CRAMP1: variants seen among roughly 807,000 people sequenced by gnomAD.
CRAMP1 encodes the protein protein cramped-like.
A neutral mutation model predicts 115.4 loss-of-function variants in CRAMP1; 50 were observed. That is an observed-to-expected ratio of 0.43 (90% CI 0.35 to 0.55). CRAMP1 has a LOEUF of 0.55. CRAMP1 is among the 20% of genes least tolerant of loss of function. The pLI is 0.01. For missense variants in CRAMP1, 1,679 were observed against 1,721.7 expected, an observed-to-expected ratio of 0.98 and a Z score of 0.44; for synonymous variants, 866 against 745.4, an observed-to-expected ratio of 1.16 and a Z score of -2.64.
chr16:1,671,397 C>T lies in CRAMP1; in HGVS notation c.3645+588C>T, dbSNP rs566447338. ...GTGGTTTGTGACTCTCCACTTTTGA[C>T]GAGATGCAGCGTCCCTCTTTGTTGG... On this transcript the variant is annotated intron_variant, in intron 20 of 20. Transcript: ENST00000397412. The surrounding 1 kb of genome is among the most constrained non-coding windows in gnomAD (Gnocchi z 5.0). 3.9e-5 allele frequency among the ~76,000 whole-genome samples: 6 copies of T among 152,330 alleles called. No individual in the cohort carries two copies. Among genetic ancestry groups the T allele is most frequent in the African/African-American group, 1.4e-4 (6 of 41,570 alleles).
intron 2 of CRAMP1, among the ~76,000 whole-genome samples, chr16:1,624,054 G>T (rs138327472): frequency 6.6e-6 from 1 of 152,188 alleles, no homozygotes; most frequent in Non-Finnish European, 1.5e-5. Flanking sequence ...GTGCAGCACC[G>T]TCTGGTAGCT....
rs148114083 is a variant in CRAMP1 at position 1,648,250 on chromosome 16, A to T, written c.828-4246A>T. ...ACTACTGTTGTTTTGGGGCAGATGG[A>T]ATAAAAAATGGTGAGTGGAAACGTC... On this transcript the variant is annotated intron_variant, in intron 6 of 20. Coordinates refer to ENST00000397412, the MANE Select transcript of CRAMP1 (RefSeq NM_020825.4). 2.6e-5 allele frequency among the ~76,000 whole-genome samples: 4 copies of T among 152,324 alleles called. No homozygotes were observed. The South Asian group carries it at 8.3e-4, about 32-fold the overall frequency.
chr16:1,636,930 T>A (rs945655996), intron 4 of CRAMP1, among the ~76,000 whole-genome samples: 1 of 152,144 alleles, frequency 6.6e-6, no homozygotes, highest in Admixed American at 6.5e-5. Flanking sequence ...CTTCTGGAAG[T>A]CTCCACTACT....
chr16:1,666,405 G>C lies in CRAMP1; in HGVS notation c.2858-17G>C. On this transcript the variant is annotated splice_polypyrimidine_tract_variant and intron_variant, in intron 15 of 20. Transcript: ENST00000397412. The surrounding 1 kb of genome is among the most constrained non-coding windows in gnomAD (Gnocchi z 5.0). ...TGTCAGTAGAGCAGAGATGTGCAGC[G>C]TCCTTTTTGTTGCCAGGTGCTATCG... The C allele has an allele frequency of 6.2e-7, 1 of 1,607,152 alleles. No homozygotes were observed. The highest frequency in any genetic ancestry group is 8.5e-7 in the Non-Finnish European group (1 of 1,176,318).
At chr16:1,648,418 A>C (rs1191164769) in intron 6 of CRAMP1, among the ~76,000 whole-genome samples, 1 of 151,690 alleles carries the variant, frequency 6.6e-6, no homozygotes, top group Non-Finnish European at 1.5e-5. Flanking sequence ...AGCCTGGCCA[A>C]CATGGAGAAA....
In CRAMP1 at chr16:1,662,749, GC is replaced by G; in HGVS notation, c.2596-11del. On this transcript the variant is annotated splice_polypyrimidine_tract_variant and intron_variant, in intron 12 of 20. Coordinates refer to ENST00000397412, the MANE Select transcript of CRAMP1 (RefSeq NM_020825.4). ...AGTGCACCTTCAGGTGCCGGACGCT[GC>G]TCCCTTACAGATGCAGTCGGATTTC... The G allele has an allele frequency of 6.2e-7, 1 of 1,613,798 alleles. No homozygotes were observed. Among genetic ancestry groups the G allele is most frequent in the East Asian group, 2.2e-5 (1 of 44,884 alleles).
intron 18 of CRAMP1, among the ~76,000 whole-genome samples, 172 bp downstream of exon 18, chr16:1,668,365 A>G (rs1357063600): frequency 6.6e-6 from 1 of 152,228 alleles, no homozygotes; most frequent in South Asian, 2.1e-4. Context: ...TGGATAAGGT[A>G]CCTGTGGGAC....
rs375947748 is a variant in CRAMP1 at position 1,656,818 on chromosome 16, G to A, written c.2061G>A (p.Thr687=). 7.5e-5 allele frequency: 116 copies of A among 1,549,524 alleles called. No homozygotes were observed. Among genetic ancestry groups the A allele is most frequent in the Middle Eastern group, 5.0e-4 (3 of 5,992 alleles). The change falls in exon 10 of 21, where the codon ACG becomes ACA. Residue 687 remains threonine (T), a synonymous_variant. Coordinates refer to ENST00000397412, the MANE Select transcript of CRAMP1 (RefSeq NM_020825.4). This position sits in a 1 kb window ranked among gnomAD's most constrained non-coding sequence, Gnocchi z 5.6. ...ACCTGCAGACCTCCGAAAGCCTCACGCTGGCCGAAGTCTACCTCATGATGG... is the reference window on the plus strand; with the variant it reads ...ACCTGCAGACCTCCGAAAGCCTCACACTGGCCGAAGTCTACCTCATGATGG... ...GWNLQTSESL[T]LAEVYLMMGK...
chr16:1,657,247 A>G (rs1271289714), intron 10 of CRAMP1, among the ~76,000 whole-genome samples: 2 of 152,212 alleles, frequency 1.3e-5, no homozygotes, highest in Non-Finnish European at 2.9e-5. Context: ...GCACTTGATG[A>G]GTGTCCCCAC....
rs868674926 is a variant in CRAMP1 at position 1,667,604 on chromosome 16, C to T, written c.3102+204C>T. On this transcript the variant is annotated intron_variant, in intron 17 of 20. Coordinates refer to ENST00000397412, the MANE Select transcript of CRAMP1 (RefSeq NM_020825.4). Reference sequence around the variant, plus strand: ...CGCCACCTCAGACTTCCCTCCTCCCCTCTCCAAGGTGGGCTGTTTCAGACC... The same window carrying T: ...CGCCACCTCAGACTTCCCTCCTCCCTTCTCCAAGGTGGGCTGTTTCAGACC... Among the ~76,000 whole-genome samples the T allele has an allele frequency of 2.6e-5, 4 of 152,318 alleles. 1 individual carries two copies. In the Middle Eastern group the frequency reaches 0.01, roughly 389 times the overall value.
At chr16:1,624,765 G>T (rs1202224397) in intron 2 of CRAMP1, among the ~76,000 whole-genome samples, 1 of 152,076 alleles carries the variant, frequency 6.6e-6, no homozygotes, top group Admixed American at 6.6e-5. Context: ...TGTGTTTTTA[G>T]TAGAGACGGG....
intron 1 of CRAMP1, among the ~76,000 whole-genome samples, chr16:1,613,888 G>A (rs1418676713): frequency 1.3e-5 from 2 of 152,156 alleles, no homozygotes; most frequent in African/African-American, 4.8e-5. Context: ...CCCACCCTGG[G>A]AAGAAGATTC....
chr16:1,642,503 C>T (rs968104777), intron 6 of CRAMP1, among the ~76,000 whole-genome samples: 8 of 152,220 alleles, frequency 5.3e-5, no homozygotes, highest in African/African-American at 4.8e-5. Context: ...AGCCAGGGGC[C>T]GCCAGCCATA....
rs1320815189 is a variant in CRAMP1 at position 1,674,279 on chromosome 16, T to A, written c.*234T>A. On this transcript the variant is annotated 3_prime_UTR_variant, in exon 21 of 21. Coordinates refer to ENST00000397412, the MANE Select transcript of CRAMP1 (RefSeq NM_020825.4). ...GAAATCACTGTGGTACTAGAGCCGT[T>A]CTTCACCACGCCTGGGCCCATGTTA... The A allele has an allele frequency of 1.8e-6, 1 of 558,428 alleles. No individual in the cohort carries two copies. Among genetic ancestry groups the A allele is most frequent in the Non-Finnish European group, 3.2e-6 (1 of 312,558 alleles). 34.6% of individuals were successfully genotyped at this position (558,428 alleles called of 1,614,324 possible).
chr16:1,659,630 G>T (rs1270927461), intron 10 of CRAMP1, among the ~76,000 whole-genome samples: 1 of 152,066 alleles, frequency 6.6e-6, no homozygotes, highest in Non-Finnish European at 1.5e-5. Flanking sequence ...CTCATGATCC[G>T]CTCGTCTCGG....
At chr16:1,644,594 G>T (rs1005770200) in intron 6 of CRAMP1, among the ~76,000 whole-genome samples, 4 of 152,176 alleles carry the variant, frequency 2.6e-5, no homozygotes, top group Non-Finnish European at 5.9e-5. Flanking sequence ...TTAGGGAAGC[G>T]ATCAGGGGCC....
intron 6 of CRAMP1, among the ~76,000 whole-genome samples, chr16:1,642,896 CAG>C (rs1023821830): frequency 2.0e-5 from 3 of 152,222 alleles, no homozygotes; most frequent in Admixed American, 2.0e-4. Flanking sequence ...TGCCAAAACA[CAG>C]ATGTGCTGCC....
chr16:1,647,596 C>T (rs900438354), intron 6 of CRAMP1, among the ~76,000 whole-genome samples: 3 of 151,700 alleles, frequency 2.0e-5, no homozygotes, highest in South Asian at 2.1e-4. Flanking sequence ...CAAAATTAGC[C>T]GGGTGTATGT....
chr16:1,638,879 G>A (rs2036609978), intron 5 of CRAMP1, among the ~76,000 whole-genome samples: 1 of 151,894 alleles, frequency 6.6e-6, no homozygotes, highest in South Asian at 2.1e-4. Context: ...ATTTGTGTGT[G>A]GGAGGCCCTG....
Sources: allele counts gnomAD v4.1 joint callset (sites outside exome capture counted in the v4.1 genomes callset), GRCh38; gene constraint gnomAD v4.1.1; non-coding constraint Gnocchi (gnomAD v3.1); transcripts MANE v1.5; gene names NCBI Gene and HGNC (gene_info 2026-07-23, HGNC 2026-07-21).